ERVK3-1: variants seen among roughly 807,000 people sequenced by gnomAD.
ERVK3-1 encodes the protein endogenous retrovirus group K3 member 1.
At position 58,312,796 on chromosome 19, in the gene ERVK3-1, C is replaced by T. The variant is rs2051565515; in HGVS notation, c.294+334C>T. 1.3e-5 allele frequency among the ~76,000 whole-genome samples: 2 copies of T among 152,232 alleles called. No homozygotes were observed. The highest frequency in any genetic ancestry group is 4.8e-5 in the African/African-American group (2 of 41,448). ...TTACTGGCGTGTTCACCAATCACTC[C>T]TAGCCCCATCACTCAAATTGTATGG... On this transcript the variant is annotated intron_variant, in intron 3 of 3. Transcript: ENST00000413518. This position sits in a 1 kb window ranked among gnomAD's most constrained non-coding sequence, Gnocchi z 4.7.
At chr19:58,305,718 T>C (rs1420779112) in intron 1 of ERVK3-1, among the ~76,000 whole-genome samples, 1 of 152,148 alleles carries the variant, frequency 6.6e-6, no homozygotes, top group Admixed American at 6.5e-5. Flanking sequence ...ATTATACCAC[T>C]GGAGGCTCTA....
rs1007016270 is a variant in ERVK3-1 at position 58,313,962 on chromosome 19, A to G, written c.295-786A>G. Among the ~76,000 whole-genome samples the G allele has an allele frequency of 1.3e-5, 2 of 152,244 alleles. No homozygotes were observed. The highest frequency in any genetic ancestry group is 2.4e-5 in the African/African-American group (1 of 41,470). On this transcript the variant is annotated intron_variant, in intron 3 of 3. Coordinates refer to ENST00000413518, the Ensembl canonical transcript of ERVK3-1. This position sits in a 1 kb window ranked among gnomAD's most constrained non-coding sequence, Gnocchi z 4.5. ...CATAGTTCTATTCAAACAGCCCAAT[A>G]TGTAGAAAATTGGACATGTACAGCC...
chr19:58,315,676 T>C (rs2051588402), downstream of ERVK3-1: 1 of 152,220 alleles, frequency 6.6e-6, no homozygotes, highest in Non-Finnish European at 1.5e-5. Context: ...TGTGTGGATG[T>C]ATATTTTTAA....
intron 2 of ERVK3-1, chr19:58,309,471 G>A (rs2147969480): frequency 6.6e-6 from 1 of 152,280 alleles, no homozygotes; most frequent in South Asian, 2.1e-4. Flanking sequence ...AATTGGCTGC[G>A]CCCAATGCTA....
In ERVK3-1 at chr19:58,313,822, ACTC is replaced by A. The variant is rs1410349910; in HGVS notation, c.295-923_295-921del. Among the ~76,000 whole-genome samples the A allele has an allele frequency of 1.8e-4, 27 of 152,170 alleles. No homozygotes were observed. Among genetic ancestry groups the A allele is most frequent in the East Asian group, 1.9e-4 (1 of 5,184 alleles). On this transcript the variant is annotated intron_variant, in intron 3 of 3. Transcript: ENST00000413518. The surrounding 1 kb of genome is among the most constrained non-coding windows in gnomAD (Gnocchi z 4.5). ...CCACCCCTGCTTTACATTTTGTAAAACTCCTTCTTACCCAGCTCACTCATCGTG... is the reference window on the plus strand; with the variant it reads ...CCACCCCTGCTTTACATTTTGTAAAACTTCTTACCCAGCTCACTCATCGTG...
intron 2 of ERVK3-1, chr19:58,311,472 C>T (rs1030619662): frequency 1.2e-4 from 19 of 152,232 alleles, no homozygotes; most frequent in African/African-American, 3.4e-4. Flanking sequence ...TGCCCTTACT[C>T]GTATGTTTCA....
At chr19:58,306,353 T>A (rs1307867163) in intron 2 of ERVK3-1, 137 bp downstream of exon 2, 1 of 152,180 alleles carries the variant, frequency 6.6e-6, no homozygotes, top group Non-Finnish European at 1.5e-5. Flanking sequence ...TCGGGTTAGT[T>A]CTCAAACATT....
In ERVK3-1 at chr19:58,312,633, C is replaced by T. The variant is rs1354361565; in HGVS notation, c.294+171C>T. ...ACACAGAGCAATAGCATCAATTACA[C>T]CGGCCCATTGGAAGGACTCCCTTTA... On this transcript the variant is annotated intron_variant, in intron 3 of 3. Coordinates refer to ENST00000413518, the Ensembl canonical transcript of ERVK3-1. The surrounding 1 kb of genome is among the most constrained non-coding windows in gnomAD (Gnocchi z 4.7). Among the ~76,000 whole-genome samples, 1 of 152,192 alleles carries T rather than the reference C, an allele frequency of 6.6e-6. No individual in the cohort carries two copies. The highest frequency in any genetic ancestry group is 1.5e-5 in the Non-Finnish European group (1 of 68,034).
chr19:58,308,841 G>A (rs1048362596), intron 2 of ERVK3-1, among the ~76,000 whole-genome samples: 8 of 152,204 alleles, frequency 5.3e-5, no homozygotes, highest in African/African-American at 1.4e-4. Flanking sequence ...AAAAGTATCA[G>A]TTAGTGCTTG....
exon 4 of ERVK3-1, chr19:58,314,939 C>T (rs566516314): frequency 8.9e-5 from 35 of 391,606 alleles, no homozygotes; most frequent in Middle Eastern, 6.5e-4. Context: ...AGGATGTTGG[C>T]GAACTGACAA....
chr19:58,314,500 A>G (rs1161662538), intron 3 of ERVK3-1, among the ~76,000 whole-genome samples: 1 of 151,890 alleles, frequency 6.6e-6, no homozygotes. Context: ...GGTGGCGGGC[A>G]CCTGTAGTCC....
intron 2 of ERVK3-1, chr19:58,309,353 T>A (rs1246166888): frequency 6.6e-6 from 1 of 152,166 alleles, no homozygotes; most frequent in Non-Finnish European, 1.5e-5. Flanking sequence ...ACAAACAACC[T>A]CCTCATACCA....
rs1311556744 is a variant in ERVK3-1, at chr19:58,310,689, G to T, written c.-3-1477G>T. 1 of 184,744 alleles carries T rather than the reference G, an allele frequency of 5.4e-6. No individual in the cohort carries two copies. The highest frequency in any genetic ancestry group is 1.2e-5 in the Non-Finnish European group (1 of 84,698). The allele number at this position is 184,744 out of a possible 1,614,324, so 11.4% of individuals were successfully genotyped here. ...AGGATGGAACATGAAGGCGGACTAG[G>T]AGCGTGACCACTGAAGCACAGAATC... On this transcript the variant is annotated intron_variant, in intron 2 of 3. Coordinates refer to ENST00000413518, the Ensembl canonical transcript of ERVK3-1. This position sits in a 1 kb window ranked among gnomAD's most constrained non-coding sequence, Gnocchi z 4.7.
chr19:58,313,084 T>G lies in ERVK3-1; in HGVS notation c.294+622T>G, dbSNP rs1600472756. 6.6e-6 allele frequency: 1 copy of G among 152,230 alleles called. No homozygotes were observed. Among genetic ancestry groups the G allele is most frequent in the East Asian group, 1.9e-4 (1 of 5,200 alleles). 9.4% of individuals were successfully genotyped at this position (152,230 alleles called of 1,614,324 possible). ...ACAACTTGCTTGGTATAGGACAGGC[T>G]TTAACCCGCCCTTACCTCAGTGACG... On this transcript the variant is annotated intron_variant, in intron 3 of 3. Coordinates refer to ENST00000413518, the Ensembl canonical transcript of ERVK3-1. The surrounding 1 kb of genome is among the most constrained non-coding windows in gnomAD (Gnocchi z 4.5).
At chr19:58,314,844 G>T in exon 4 of ERVK3-1, 1 of 399,778 alleles carries the variant, frequency 2.5e-6, no homozygotes, top group Non-Finnish European at 4.4e-6. Flanking sequence ...GGGAGATGTT[G>T]GAGGCCGAAG....
rs1403940403 is a variant in ERVK3-1 at position 58,310,861 on chromosome 19, CG to C, written c.-3-1302del. ...CACCCTTTCCCGGTCTGCTAAGTAG[CG>C]GGTGTTGTTCCTTGACACTTTTCGC... On this transcript the variant is annotated intron_variant, in intron 2 of 3. Transcript: ENST00000413518. The surrounding 1 kb of genome is among the most constrained non-coding windows in gnomAD (Gnocchi z 4.7). The C allele has an allele frequency of 2.5e-6, 1 of 403,686 alleles. No homozygotes were observed. The highest frequency in any genetic ancestry group is 5.1e-6 in the Non-Finnish European group (1 of 197,138). 25.0% of individuals were successfully genotyped at this position (403,686 alleles called of 1,614,324 possible).
At position 58,310,918 on chromosome 19, in the gene ERVK3-1, G is replaced by C. The variant is rs1328845667; in HGVS notation, c.-3-1248G>C. On this transcript the variant is annotated intron_variant, in intron 2 of 3. Transcript: ENST00000413518. This position sits in a 1 kb window ranked among gnomAD's most constrained non-coding sequence, Gnocchi z 4.7. ...CTAGACCACGGTCTTCCCAAACGCT[G>C]GCGTCACCACTAGACCAAGGAGCCC... is the stretch of plus-strand genomic sequence containing the variant. 5.4e-6 allele frequency: 2 copies of C among 373,458 alleles called. No homozygotes were observed. The highest frequency in any genetic ancestry group is 8.6e-5 in the East Asian group (1 of 11,622). The allele number at this position is 373,458 out of a possible 1,614,324, so 23.1% of individuals were successfully genotyped here. A position where few individuals can be genotyped will look rare whatever the true frequency, so the allele number is the denominator to read the frequency against.
At chr19:58,306,838 T>C (rs1158140328) in intron 2 of ERVK3-1, among the ~76,000 whole-genome samples, 2 of 149,720 alleles carry the variant, frequency 1.3e-5, no homozygotes, top group African/African-American at 5.1e-5. Flanking sequence ...ATTTAAATTA[T>C]TGAAAGAATT....
rs74258238 is a variant in ERVK3-1 at position 58,307,613 on chromosome 19, C to T, written c.-4+1397C>T. ...GATCTTACAATGCAATACCGCCCCCCCCTCCCCGCCCCGCTCCCCCCAACA... is the reference window on the plus strand; with the variant it reads ...GATCTTACAATGCAATACCGCCCCCTCCTCCCCGCCCCGCTCCCCCCAACA... On this transcript the variant is annotated intron_variant, in intron 2 of 3. Coordinates refer to ENST00000413518, the Ensembl canonical transcript of ERVK3-1. 3.2e-4 allele frequency among the ~76,000 whole-genome samples: 48 copies of T among 149,484 alleles called. No homozygotes were observed. In the East Asian group the frequency reaches 6.6e-3, roughly 20 times the overall value.
Sources: allele counts gnomAD v4.1 joint callset (sites outside exome capture counted in the v4.1 genomes callset), GRCh38; gene constraint gnomAD v4.1.1; non-coding constraint Gnocchi (gnomAD v3.1); transcripts MANE v1.5; gene names NCBI Gene and HGNC (gene_info 2026-07-23, HGNC 2026-07-21).